SLIT2: variants seen among roughly 807,000 people sequenced by gnomAD.
The protein encoded by SLIT2 is slit homolog 2 protein.
SLIT2 carries 41 observed loss-of-function variants against 185.7 expected under a neutral mutation model. The ratio of observed to expected loss-of-function variants is 0.22; its 90% CI spans 0.17 to 0.29. The LOEUF (loss-of-function observed/expected upper bound fraction) is 0.29, where lower values mean the gene tolerates loss of function less well. Among genes scored for constraint, SLIT2 ranks in the 10% least tolerant of loss-of-function variants. The pLI, the probability that SLIT2 is intolerant of heterozygous loss-of-function variation, is 1.00. For missense variants in SLIT2, 1,571 were observed against 1,909.0 expected (o/e 0.82, Z 3.30); for synonymous variants, 693 against 680.2 (o/e 1.02, Z -0.29).
At chr4:20,574,999 T>C (rs1725973031) in intron 29 of SLIT2, among the ~76,000 whole-genome samples, 2 of 152,136 alleles carry the variant, frequency 1.3e-5, no homozygotes, top group Non-Finnish European at 2.9e-5. Flanking sequence ...GATTAATGCA[T>C]CTAATACCTT....
At chr4:20,518,757 AC>A (rs1403636859) in intron 11 of SLIT2, among the ~76,000 whole-genome samples, 1 of 141,382 alleles carries the variant, frequency 7.1e-6, no homozygotes, top group Non-Finnish European at 1.5e-5. Flanking sequence ...GGCGCCCGCC[AC>A]CACGCCCGGC....
At chr4:20,267,534 A>T (rs1560268524) in intron 3 of SLIT2, among the ~76,000 whole-genome samples, 1 of 151,878 alleles carries the variant, frequency 6.6e-6, no homozygotes, top group Non-Finnish European at 1.5e-5. Flanking sequence ...CACTTACAGG[A>T]TTTTAAAAAA....
At chr4:20,511,405 A>G (rs1241045456) in intron 11 of SLIT2, among the ~76,000 whole-genome samples, 1 of 144,004 alleles carries the variant, frequency 6.9e-6, no homozygotes, top group Non-Finnish European at 1.5e-5. Flanking sequence ...CCCCTTTTTG[A>G]CCATTTTTTT....
intron 34 of SLIT2, chr4:20,614,792 A>AG (rs1186772073): frequency 6.6e-6 from 1 of 152,160 alleles, no homozygotes; most frequent in Admixed American, 6.6e-5. Flanking sequence ...AAAAAAAAAA[A>AG]AAAATTCATG....
At chr4:20,382,941 A>G (rs1724647963) in intron 4 of SLIT2, among the ~76,000 whole-genome samples, 1 of 152,182 alleles carries the variant, frequency 6.6e-6, no homozygotes, top group African/African-American at 2.4e-5. Flanking sequence ...GCTCTGGCAT[A>G]AGGTAGACAT....
At chr4:20,529,805 A>C (rs1216485144) in intron 16 of SLIT2, among the ~76,000 whole-genome samples, 2 of 152,196 alleles carry the variant, frequency 1.3e-5, no homozygotes, top group African/African-American at 4.8e-5. Context: ...CAGGGAAAAA[A>C]CTAGCAAAAC....
chr4:20,529,138 G>C, intron 16 of SLIT2, 39 bp downstream of exon 16: 1 of 1,486,148 alleles, frequency 6.7e-7, no homozygotes, highest in Non-Finnish European at 9.2e-7. Flanking sequence ...TTGGGATGGA[G>C]GGAATGAAAG....
chr4:20,380,297 C>A (rs1724389689), intron 4 of SLIT2, among the ~76,000 whole-genome samples: 1 of 152,098 alleles, frequency 6.6e-6, no homozygotes, highest in Non-Finnish European at 1.5e-5. Context: ...AATTGCTTAG[C>A]TATATCCCAG....
chr4:20,516,529 T>G (rs559283838), intron 11 of SLIT2, among the ~76,000 whole-genome samples: 1 of 152,322 alleles, frequency 6.6e-6, no homozygotes, highest in Admixed American at 6.5e-5. Flanking sequence ...TAAAAATTTC[T>G]TTTCCTCCAA....
chr4:20,532,076 T>TA lies in SLIT2; in HGVS notation c.1688+19dup. ...CGTAAAATGTAAGTCACTTGTTAGC[T>TA]ATTTTTTTTATTTCTGTAGCATTTT... is the stretch of plus-strand genomic sequence containing the variant. On this transcript the variant is annotated intron_variant, in intron 17 of 36. Transcript: ENST00000504154. 2.2e-6 allele frequency: 3 copies of TA among 1,369,068 alleles called. No homozygotes were observed. Among genetic ancestry groups the TA allele is most frequent in the African/African-American group, 1.7e-5 (1 of 57,994 alleles). The allele number at this position is 1,369,068 out of a possible 1,614,324, so 84.8% of individuals were successfully genotyped here.
intron 22 of SLIT2, among the ~76,000 whole-genome samples, chr4:20,547,803 C>G (rs189092018): frequency 5.3e-5 from 8 of 151,516 alleles, no homozygotes; most frequent in Non-Finnish European, 7.4e-5. Context: ...TAAATTACGA[C>G]CCATAGTACA....
intron 4 of SLIT2, among the ~76,000 whole-genome samples, chr4:20,405,195 T>TTATA (rs149863258): frequency 6.0e-5 from 9 of 150,104 alleles, no homozygotes; most frequent in African/African-American, 1.5e-4. Flanking sequence ...ACACTGCCTA[T>TTATA]TATATATATA....
chr4:20,307,426 A>T (rs2109124274), intron 4 of SLIT2, among the ~76,000 whole-genome samples: 1 of 151,604 alleles, frequency 6.6e-6, no homozygotes, highest in East Asian at 2.0e-4. Flanking sequence ...CCACACTCGG[A>T]TAAATTCTTA....
At chr4:20,267,299 C>T (rs935099353) in intron 3 of SLIT2, among the ~76,000 whole-genome samples, 15 of 151,856 alleles carry the variant, frequency 9.9e-5, no homozygotes, top group African/African-American at 3.6e-4. Flanking sequence ...AAAAAATTAG[C>T]GTGTAAGTGG....
chr4:20,444,338 A>C (rs1381156769), intron 4 of SLIT2, among the ~76,000 whole-genome samples: 1 of 152,134 alleles, frequency 6.6e-6, no homozygotes, highest in Non-Finnish European at 1.5e-5. Context: ...AATGTGTAAG[A>C]ATGTCATCTT....
chr4:20,324,262 A>ATTGGTGAGGTGCTGATGT (rs1560317662), intron 4 of SLIT2, among the ~76,000 whole-genome samples: 4 of 125,168 alleles, frequency 3.2e-5, no homozygotes, highest in African/African-American at 1.4e-4. Context: ...CATTGAGACA[A>ATTGGTGAGGTGCTGATGT]TGTATTGGTG....
intron 26 of SLIT2, among the ~76,000 whole-genome samples, chr4:20,564,524 C>T (rs1577934111): frequency 6.6e-6 from 1 of 151,794 alleles, no homozygotes; most frequent in Non-Finnish European, 1.5e-5. Flanking sequence ...TTTGTATTAC[C>T]CTTCACTCAA....
chr4:20,516,075 A>G (rs1365113342), intron 11 of SLIT2, among the ~76,000 whole-genome samples: 1 of 152,212 alleles, frequency 6.6e-6, no homozygotes, highest in Admixed American at 6.5e-5. Context: ...TGGGCCTCCC[A>G]AAGTGCTGGG....
chr4:20,503,454 T>G (rs1383813337), intron 9 of SLIT2, among the ~76,000 whole-genome samples: 1 of 152,142 alleles, frequency 6.6e-6, no homozygotes, highest in Non-Finnish European at 1.5e-5. Context: ...ACAACAAAAC[T>G]TCTAAGTGTT....
Sources: gnomAD v4.1 joint callset for allele counts (sites outside exome capture counted in the v4.1 genomes callset) on GRCh38, gnomAD v4.1.1 for gene constraint, MANE v1.5 for transcripts, NCBI Gene and HGNC (gene_info 2026-07-23, HGNC 2026-07-21) for gene names.